Variants in SYT14 observed in about 807,000 individuals in gnomAD.
The protein encoded by SYT14 is synaptotagmin-14.
In SYT14, 32 loss-of-function variants were observed where a neutral mutation model predicts 74.2. That is an observed-to-expected ratio of 0.43 (90% confidence interval 0.33 to 0.58). The LOEUF is 0.58. Ranked by LOEUF, SYT14 falls within the 20% of genes least tolerant of loss-of-function variation. SYT14 has a pLI of 0.05. For missense variants in SYT14, 791 were observed against 981.8 expected (o/e 0.81, Z 2.60); for synonymous variants, 298 against 337.7 (o/e 0.88, Z 1.29).
rs550893740 is a variant in SYT14 at position 209,953,485 on chromosome 1, A to G, written c.-486+729A>G. Among the ~76,000 whole-genome samples, 3 of 152,286 alleles carry G rather than the reference A, an allele frequency of 2.0e-5. No homozygotes were observed. In the East Asian group the frequency reaches 5.8e-4, roughly 29 times the overall value. ...ACTTTCTTTTCTTGCATCTCTCTTC[A>G]GACTCACTTGCCCCTCCTGAGTCTA... is the stretch of plus-strand genomic sequence containing the variant. On this transcript the variant is annotated intron_variant, in intron 2 of 9. Coordinates refer to ENST00000637265, the Ensembl canonical transcript of SYT14.
chr1:209,979,739 A>G (rs1268923032), intron 2 of SYT14, among the ~76,000 whole-genome samples: 1 of 152,180 alleles, frequency 6.6e-6, no homozygotes, highest in Admixed American at 6.5e-5. Context: ...TTTGCTGAGG[A>G]TAACAGCTTG....
intron 2 of SYT14, among the ~76,000 whole-genome samples, chr1:209,986,325 G>C (rs903031984): frequency 6.6e-6 from 1 of 152,140 alleles, no homozygotes; most frequent in African/African-American, 2.4e-5. Flanking sequence ...TCTGCCAGGG[G>C]CTGGGCGCGG....
intron 2 of SYT14, among the ~76,000 whole-genome samples, chr1:210,007,608 AT>A (rs2080012610): frequency 6.6e-6 from 1 of 152,046 alleles, no homozygotes; most frequent in Non-Finnish European, 1.5e-5. Context: ...ATTGCTTGCT[AT>A]TTTTTAACAT....
At chr1:210,104,335 C>A (rs570472433) in intron 7 of SYT14, among the ~76,000 whole-genome samples, 1 of 152,320 alleles carries the variant, frequency 6.6e-6, no homozygotes, top group South Asian at 2.1e-4. Context: ...GTTCTTTATT[C>A]ATCCCTAGTC....
intron 2 of SYT14, among the ~76,000 whole-genome samples, chr1:210,008,132 G>T (rs12402438): frequency 6.6e-6 from 1 of 152,130 alleles, no homozygotes; most frequent in African/African-American, 2.4e-5. Flanking sequence ...GATAATGCTT[G>T]TAAAGGACTT....
chr1:210,119,837 T>C (rs570533465), intron 7 of SYT14, among the ~76,000 whole-genome samples: 1 of 152,292 alleles, frequency 6.6e-6, no homozygotes, highest in Admixed American at 6.5e-5. Flanking sequence ...ATTGAAATAG[T>C]AGTGCCAGCT....
chr1:210,088,661 A>G (rs1306448605), intron 5 of SYT14, among the ~76,000 whole-genome samples: 1 of 152,050 alleles, frequency 6.6e-6, no homozygotes, highest in African/African-American at 2.4e-5. Flanking sequence ...AGCCATAAAA[A>G]AGAATGAGTT....
chr1:209,965,089 T>C (rs1263647858), intron 2 of SYT14, among the ~76,000 whole-genome samples: 1 of 152,180 alleles, frequency 6.6e-6, no homozygotes, highest in Non-Finnish European at 1.5e-5. Context: ...TAAAATAAAA[T>C]TTTAGATTCA....
At chr1:210,154,149 T>G (rs1248012883) in intron 7 of SYT14, among the ~76,000 whole-genome samples, 1 of 152,182 alleles carries the variant, frequency 6.6e-6, no homozygotes, top group East Asian at 1.9e-4. Flanking sequence ...GGCTTTTAAT[T>G]ACAAATTCAA....
At chr1:210,016,538 G>A (rs2080187634) in exon 4 of SYT14, 11 of 1,231,786 alleles carry the variant, frequency 8.9e-6, no homozygotes, top group African/African-American at 1.6e-5. Flanking sequence ...AACAATTGGA[G>A]TAGGAATTTC....
intron 7 of SYT14, among the ~76,000 whole-genome samples, chr1:210,119,894 T>C (rs1289133265): frequency 6.6e-6 from 1 of 152,218 alleles, no homozygotes; most frequent in African/African-American, 2.4e-5. Flanking sequence ...AGGTAAAGTA[T>C]GTGAAAACCT....
chr1:209,938,346 C>A, intron 1 of SYT14, 69 bp downstream of exon 1: 1 of 1,482,092 alleles, frequency 6.7e-7, no homozygotes, highest in Non-Finnish European at 9.1e-7. Flanking sequence ...CGGAGGTGCG[C>A]CGGCAGGCCG....
intron 5 of SYT14, among the ~76,000 whole-genome samples, chr1:210,083,806 G>C (rs1357131735): frequency 1.5e-5 from 2 of 130,758 alleles, no homozygotes; most frequent in African/African-American, 5.1e-5. Flanking sequence ...CTGGGCACAA[G>C]CTGTCAGTCC....
intron 7 of SYT14, among the ~76,000 whole-genome samples, chr1:210,109,030 G>A (rs1277488077): frequency 6.6e-6 from 1 of 152,108 alleles, no homozygotes; most frequent in Non-Finnish European, 1.5e-5. Flanking sequence ...TAGATAGGCT[G>A]AGTGGACACT....
intron 2 of SYT14, among the ~76,000 whole-genome samples, chr1:209,993,030 G>A (rs2079721581): frequency 6.6e-6 from 1 of 152,214 alleles, no homozygotes; most frequent in African/African-American, 2.4e-5. Context: ...CTCGTCTGCT[G>A]TGGACATGCG....
intron 2 of SYT14, among the ~76,000 whole-genome samples, chr1:209,997,198 A>G (rs2079813631): frequency 6.6e-6 from 1 of 152,148 alleles, no homozygotes; most frequent in African/African-American, 2.4e-5. Context: ...TTTGCTGACG[A>G]TATGATTCTA....
At chr1:210,160,595 G>C in intron 9 of SYT14, 134 bp from the exon 9 acceptor site, 1 of 755,552 alleles carries the variant, frequency 1.3e-6, no homozygotes. Context: ...AAATGGAATT[G>C]GTCGAATGTC....
intron 2 of SYT14, among the ~76,000 whole-genome samples, chr1:209,976,838 C>CT (rs1553260219): frequency 3.9e-5 from 6 of 152,218 alleles, no homozygotes; most frequent in Admixed American, 6.5e-5. Flanking sequence ...GTGTGGGAGT[C>CT]TAAGTCTCTT....
intron 4 of SYT14, among the ~76,000 whole-genome samples, chr1:210,020,365 GTTAA>G (rs1479397564): frequency 6.6e-5 from 10 of 152,078 alleles, no homozygotes; most frequent in Admixed American, 6.5e-4. Flanking sequence ...TTATTCATCT[GTTAA>G]TTAATTTCTT....
Sources: gnomAD v4.1 joint callset for allele counts (sites outside exome capture counted in the v4.1 genomes callset) on GRCh38, gnomAD v4.1.1 for gene constraint, MANE v1.5 for transcripts, NCBI Gene and HGNC (gene_info 2026-07-23, HGNC 2026-07-21) for gene names.